The following PSD3 variants were observed in gnomAD, a reference collection of about 807,000 sequenced individuals.
The protein encoded by PSD3 is pleckstrin and Sec7 domain containing 3.
PSD3 carries 49 observed loss-of-function variants against 105.5 expected under a neutral mutation model. That is an observed-to-expected ratio of 0.46 (90% CI 0.37 to 0.59). The LOEUF (loss-of-function observed/expected upper bound fraction) is 0.59, where lower values mean the gene tolerates loss of function less well. Ranked by LOEUF, PSD3 falls within the 20% of genes least tolerant of loss-of-function variation. The pLI is 0.00. For synonymous variants in PSD3, 557 were observed against 457.8 expected, an observed-to-expected ratio of 1.22 and a Z score of -2.77; for missense variants, 1,561 against 1,263.8, an observed-to-expected ratio of 1.24 and a Z score of -3.57.
intron 14 of PSD3, among the ~76,000 whole-genome samples, chr8:18,558,817 T>A (rs906864440): frequency 7.2e-5 from 11 of 152,082 alleles, no homozygotes; most frequent in Admixed American, 5.9e-4. Context: ...CAAGACTCCA[T>A]CTCAAAAAAA....
chr8:19,018,144 A>C (rs1217098822), upstream of PSD3, among the ~76,000 whole-genome samples: 1 of 152,176 alleles, frequency 6.6e-6, no homozygotes, highest in Non-Finnish European at 1.5e-5. Flanking sequence ...TATGGGTTGA[A>C]TAGATAGCCC....
intron 9 of PSD3, among the ~76,000 whole-genome samples, chr8:18,724,145 G>C (rs1803182814): frequency 6.6e-6 from 1 of 152,144 alleles, no homozygotes; most frequent in South Asian, 2.1e-4. Context: ...TTATAAGCAG[G>C]TAGGGGTGGA....
At chr8:18,618,059 G>A (rs1805825974) in intron 11 of PSD3, among the ~76,000 whole-genome samples, 1 of 152,094 alleles carries the variant, frequency 6.6e-6, no homozygotes, top group Admixed American at 6.6e-5. Flanking sequence ...ATTATTTAGA[G>A]ACTTCATCTA....
chr8:18,865,356 T>C (rs1026384941), intron 4 of PSD3: 32 of 145,866 alleles, frequency 2.2e-4, no homozygotes, highest in African/African-American at 7.8e-4. Flanking sequence ...TCTCATTCTC[T>C]AACCCACAAT....
chr8:18,865,224 TTATATATATATATATATATATA>T (rs1165818221), intron 4 of PSD3: 3 of 64,564 alleles, frequency 4.6e-5, no homozygotes, highest in Non-Finnish European at 6.5e-5. Flanking sequence ...AGATTCTATG[TTATATATATATATATATATATA>T]TATATATATA....
At chr8:18,556,626 CCT>C (rs1227523467) in intron 14 of PSD3, among the ~76,000 whole-genome samples, 1 of 152,102 alleles carries the variant, frequency 6.6e-6, no homozygotes, top group Non-Finnish European at 1.5e-5. Flanking sequence ...TGTAAATGCC[CCT>C]GAGTTGGGAC....
At chr8:18,722,819 C>T (rs1216241622) in intron 9 of PSD3, among the ~76,000 whole-genome samples, 2 of 152,150 alleles carry the variant, frequency 1.3e-5, no homozygotes, top group Non-Finnish European at 2.9e-5. Context: ...TTCTATCACT[C>T]CCAAGGAGCA....
intron 10 of PSD3, among the ~76,000 whole-genome samples, chr8:18,647,990 C>T (rs1320341815): frequency 1.3e-5 from 2 of 152,190 alleles, no homozygotes; most frequent in Non-Finnish European, 2.9e-5. Flanking sequence ...ATGCCAGCAC[C>T]ACGCTTCCTG....
chr8:19,008,367 A>T (rs1463552069), intron 1 of PSD3, among the ~76,000 whole-genome samples: 2 of 152,312 alleles, frequency 1.3e-5, no homozygotes, highest in East Asian at 3.9e-4. Flanking sequence ...GACACTCTGG[A>T]AGATCACAAA....
chr8:18,594,270 A>ATATATATTATATAATATATATTAT (rs1803887026), intron 12 of PSD3, among the ~76,000 whole-genome samples: 1 of 17,966 alleles, frequency 5.6e-5, no homozygotes, highest in African/African-American at 1.3e-4. Context: ...ATATATTATT[A>ATATATATTATATAATATATATTAT]TATATATTAT....
rs1460115968 is a variant in PSD3 at position 18,530,633 on chromosome 8, G to C, written c.*5110C>G. ...TTTTGTAATAAGCCCAAAATTGTCA[G>C]TTTGACTTTAAGTGCTCTTAATACT... On this transcript the variant is annotated 3_prime_UTR_variant, in exon 16 of 16. Transcript: ENST00000327040. 6.6e-6 allele frequency: 1 copy of C among 150,824 alleles called. No individual in the cohort carries two copies. Among genetic ancestry groups the C allele is most frequent in the Admixed American group, 6.6e-5 (1 of 15,132 alleles). The allele number at this position is 150,824 out of a possible 1,614,324, so 9.3% of individuals were successfully genotyped here. A position where few individuals can be genotyped will look rare whatever the true frequency, so the allele number is the denominator to read the frequency against.
chr8:18,640,921 G>T (rs527511323), intron 10 of PSD3, among the ~76,000 whole-genome samples: 49 of 152,260 alleles, frequency 3.2e-4, no homozygotes, highest in African/African-American at 1.1e-3. Flanking sequence ...GTGGGGCAGA[G>T]CTCACCTCTG....
At chr8:19,063,442 T>A (rs1334208523) in intron 1 of PSD3, among the ~76,000 whole-genome samples, 1 of 152,214 alleles carries the variant, frequency 6.6e-6, no homozygotes, top group Non-Finnish European at 1.5e-5. Flanking sequence ...AGGCTAAATC[T>A]AGATTTTTAA....
chr8:18,827,300 G>A (rs996968523), intron 4 of PSD3, among the ~76,000 whole-genome samples: 2 of 152,164 alleles, frequency 1.3e-5, no homozygotes, highest in African/African-American at 2.4e-5. Flanking sequence ...ACCAGGTGGA[G>A]AGAAAGGAAA....
chr8:18,695,610 C>T (rs1801215257), intron 9 of PSD3, among the ~76,000 whole-genome samples: 1 of 152,150 alleles, frequency 6.6e-6, no homozygotes, highest in Admixed American at 6.5e-5. Flanking sequence ...TTAAACATTC[C>T]TCCAAGTACA....
intron 2 of PSD3, among the ~76,000 whole-genome samples, chr8:18,914,676 A>G (rs1213573565): frequency 6.6e-6 from 1 of 152,232 alleles, no homozygotes; most frequent in Admixed American, 6.5e-5. Context: ...GACCTATACA[A>G]TGAAAACTAT....
chr8:18,857,250 G>T (rs990230813), intron 4 of PSD3, among the ~76,000 whole-genome samples: 2 of 152,204 alleles, frequency 1.3e-5, no homozygotes, highest in Admixed American at 1.3e-4. Flanking sequence ...GCAACTTGCA[G>T]TAAACGCCTC....
At chr8:18,631,358 C>T (rs1024375336) in intron 11 of PSD3, among the ~76,000 whole-genome samples, 1 of 151,916 alleles carries the variant, frequency 6.6e-6, no homozygotes, top group Admixed American at 6.6e-5. Context: ...TCACAATATT[C>T]CATCCTCTCA....
intron 2 of PSD3, among the ~76,000 whole-genome samples, chr8:18,892,821 C>T (rs543289916): frequency 6.6e-6 from 1 of 151,962 alleles, no homozygotes; most frequent in South Asian, 2.1e-4. Flanking sequence ...GACGAGTTTT[C>T]ACCATGTTGG....
Sources: gnomAD v4.1 joint callset for allele counts (sites outside exome capture counted in the v4.1 genomes callset) on GRCh38, gnomAD v4.1.1 for gene constraint, MANE v1.5 for transcripts, NCBI Gene and HGNC (gene_info 2026-07-23, HGNC 2026-07-21) for gene names.